The following DCBLD2 variants were observed in gnomAD, a reference collection of about 807,000 sequenced individuals.
DCBLD2 encodes discoidin, CUB and LCCL domain containing 2.
DCBLD2 carries 54 observed loss-of-function variants against 86.8 expected under a neutral mutation model. The observed-to-expected ratio is 0.62, with a 90% CI of 0.50 to 0.78. The LOEUF (loss-of-function observed/expected upper bound fraction) is 0.78. Among genes scored for constraint, DCBLD2 ranks in the 30% least tolerant of loss-of-function variants. The pLI is 0.00. For missense variants in DCBLD2, 908 were observed against 954.2 expected (o/e 0.95, Z 0.64); for synonymous variants, 354 against 341.3 (o/e 1.04, Z -0.41).
At chr3:98,860,444 G>A (rs1272223481) in intron 2 of DCBLD2, among the ~76,000 whole-genome samples, 1 of 147,394 alleles carries the variant, frequency 6.8e-6, no homozygotes, top group African/African-American at 2.5e-5. Flanking sequence ...AAGTTGAAAT[G>A]AAGGAAAAAA....
chr3:98,851,803 C>T (rs2107486916), intron 2 of DCBLD2, among the ~76,000 whole-genome samples: 1 of 152,328 alleles, frequency 6.6e-6, no homozygotes, highest in East Asian at 1.9e-4. Flanking sequence ...TGATCTTTGA[C>T]AAACCTAACA....
At chr3:98,852,567 G>A (rs1942859266) in intron 2 of DCBLD2, among the ~76,000 whole-genome samples, 1 of 152,144 alleles carries the variant, frequency 6.6e-6, no homozygotes. Context: ...TTTCTTACCA[G>A]GATTCCCTGT....
intron 2 of DCBLD2, among the ~76,000 whole-genome samples, chr3:98,851,148 T>C (rs1286172341): frequency 6.6e-6 from 1 of 152,160 alleles, no homozygotes; most frequent in Non-Finnish European, 1.5e-5. Context: ...AGTGAGGAAG[T>C]AAAATTGTCT....
chr3:98,839,117 CTT>C (rs758970392), intron 3 of DCBLD2, among the ~76,000 whole-genome samples: 2,594 of 108,862 alleles, frequency 0.024, 66 homozygotes, highest in South Asian at 0.046. Context: ...TTCTTTCTTT[CTT>C]TTTCTTTCTT....
At position 98,889,379 on chromosome 3, in the gene DCBLD2, C is replaced by T. The variant is rs116850590; in HGVS notation, c.206-7612G>A. 1.3e-3 allele frequency among the ~76,000 whole-genome samples: 199 copies of T among 152,050 alleles called. 1 individual carries two copies. The East Asian group carries it at 0.016, about 13-fold the overall frequency. ...ATTAAAGGTTCTCAGGCTCCTATTTCCACCTCCCTGGATTCTAACAAGTAT... is the reference window on the plus strand; with the variant it reads ...ATTAAAGGTTCTCAGGCTCCTATTTTCACCTCCCTGGATTCTAACAAGTAT... On this transcript the variant is annotated intron_variant, in intron 1 of 15. Transcript: ENST00000326840.
At chr3:98,852,138 T>C (rs1335642522) in intron 2 of DCBLD2, among the ~76,000 whole-genome samples, 7 of 152,250 alleles carry the variant, frequency 4.6e-5, no homozygotes, top group South Asian at 2.1e-4. Context: ...CCCAGCAGTA[T>C]TGGTGATCAA....
chr3:98,834,147 T>A (rs1484670081), intron 3 of DCBLD2, among the ~76,000 whole-genome samples: 2 of 149,708 alleles, frequency 1.3e-5, no homozygotes, highest in Non-Finnish European at 3.0e-5. Context: ...GTTTTCTTTT[T>A]TTTTTTTTTT....
At chr3:98,801,232 T>C (rs1324685503) in intron 14 of DCBLD2, 1 of 256,406 alleles carries the variant, frequency 3.9e-6, no homozygotes, top group Non-Finnish European at 7.4e-6. Flanking sequence ...TGAATAACCA[T>C]GGCAGAGGAC....
At chr3:98,878,690 C>T (rs1008170085) in intron 2 of DCBLD2, among the ~76,000 whole-genome samples, 9 of 152,098 alleles carry the variant, frequency 5.9e-5, no homozygotes, top group African/African-American at 2.2e-4. Flanking sequence ...AAATGGAGGA[C>T]CAGTGGGTAT....
intron 14 of DCBLD2, 115 bp from the exon 15 acceptor site, chr3:98,800,831 C>T: frequency 2.9e-6 from 4 of 1,364,354 alleles, no homozygotes; most frequent in Middle Eastern, 1.9e-4. Flanking sequence ...AATATCTCTA[C>T]AAACTTGCCT....
At chr3:98,825,537 CTGATAT>C (rs1181306663) in intron 3 of DCBLD2, among the ~76,000 whole-genome samples, 171 bp from the exon 4 acceptor site, 2 of 150,304 alleles carry the variant, frequency 1.3e-5, no homozygotes, top group African/African-American at 2.4e-5. Context: ...CAATTTCTTT[CTGATAT>C]TAAGTTTCTT....
chr3:98,848,598 G>A (rs1181739086), intron 3 of DCBLD2, among the ~76,000 whole-genome samples: 2 of 152,070 alleles, frequency 1.3e-5, no homozygotes, highest in Non-Finnish European at 2.9e-5. Flanking sequence ...CAGTGTATAC[G>A]GTTTCTTTTT....
intron 2 of DCBLD2, among the ~76,000 whole-genome samples, chr3:98,866,380 T>A (rs1199182357): frequency 6.6e-6 from 1 of 152,198 alleles, no homozygotes; most frequent in Non-Finnish European, 1.5e-5. Context: ...TGTTATTTCC[T>A]GACTTTTTAA....
intron 3 of DCBLD2, among the ~76,000 whole-genome samples, chr3:98,836,087 T>A (rs1942442367): frequency 7.1e-6 from 1 of 141,814 alleles, no homozygotes; most frequent in African/African-American, 2.6e-5. Flanking sequence ...TATGTAAACC[T>A]CACCTTGCAA....
At position 98,812,423 on chromosome 3, in the gene DCBLD2, A is replaced by T; in HGVS notation, c.1272T>A (p.Ile424=). The change falls in exon 10 of 16, where the codon ATT becomes ATA. Residue 424 remains isoleucine (I), a synonymous_variant. Coordinates refer to ENST00000326840, the MANE Select transcript of DCBLD2 (RefSeq NM_080927.4). ...QDVRNNFLPP[I]IARFIRVNPT... ...GATTCACTCTAATAAAACGTGCAAT[A>T]ATTGGTGGCAAAAAGTTATTACGCA... 1.2e-6 allele frequency: 2 copies of T among 1,613,502 alleles called. No individual in the cohort carries two copies. The highest frequency in any genetic ancestry group is 1.7e-6 in the Non-Finnish European group (2 of 1,179,634).
At chr3:98,842,795 A>T (rs1942644306) in intron 3 of DCBLD2, among the ~76,000 whole-genome samples, 1 of 152,214 alleles carries the variant, frequency 6.6e-6, no homozygotes, top group Admixed American at 6.5e-5. Flanking sequence ...ATACACTAAA[A>T]AATGAATACA....
At chr3:98,808,724 C>T (rs1941883682) in intron 12 of DCBLD2, among the ~76,000 whole-genome samples, 1 of 152,104 alleles carries the variant, frequency 6.6e-6, no homozygotes, top group South Asian at 2.1e-4. Flanking sequence ...AATTGATGAA[C>T]AGGCTACCAG....
At chr3:98,835,208 A>T (rs2107463500) in intron 3 of DCBLD2, among the ~76,000 whole-genome samples, 1 of 69,208 alleles carries the variant, frequency 1.4e-5, no homozygotes, top group Middle Eastern at 4.3e-3. Context: ...CTGAACTCAG[A>T]TGATCTGTCC....
rs1195785094 is a variant in DCBLD2 at position 98,796,510 on chromosome 3, T to G, written c.*2862A>C. On this transcript the variant is annotated 3_prime_UTR_variant, in exon 16 of 16. Coordinates refer to ENST00000326840, the MANE Select transcript of DCBLD2 (RefSeq NM_080927.4). ...CACCTTCCACAGCTTTGTGGCCACA[T>G]TCATATTTAGATAAGCTCGGACTCT... 1 of 152,602 alleles carries G rather than the reference T, an allele frequency of 6.6e-6. No homozygotes were observed. The highest frequency in any genetic ancestry group is 2.4e-5 in the African/African-American group (1 of 41,450). The allele number at this position is 152,602 out of a possible 1,614,324, so 9.5% of individuals were successfully genotyped here.
Sources: allele counts gnomAD v4.1 joint callset (sites outside exome capture counted in the v4.1 genomes callset), GRCh38; gene constraint gnomAD v4.1.1; transcripts MANE v1.5; gene names NCBI Gene and HGNC (gene_info 2026-07-23, HGNC 2026-07-21).